The following DPF3 variants were observed in gnomAD, a reference collection of about 807,000 sequenced individuals.
DPF3 encodes the protein double PHD fingers 3.
In DPF3, 18 loss-of-function variants were observed where a neutral mutation model predicts 56.8. That is an observed-to-expected ratio of 0.32 (90% CI 0.22 to 0.47). The LOEUF (loss-of-function observed/expected upper bound fraction) is 0.47, where lower values mean the gene tolerates loss of function less well. Among genes scored for constraint, DPF3 ranks in the 20% least tolerant of loss-of-function variants. The probability of loss-of-function intolerance (pLI) is 1.00; values close to 1 mark genes in which losing one functional copy is unlikely to be tolerated. For missense variants in DPF3, 403 were observed against 488.8 expected, an observed-to-expected ratio of 0.82 and a Z score of 1.65; for synonymous variants, 188 against 180.2, an observed-to-expected ratio of 1.04 and a Z score of -0.35.
chr14:72,644,085 A>G (rs1337635839), intron 8 of DPF3, among the ~76,000 whole-genome samples: 1 of 152,172 alleles, frequency 6.6e-6, no homozygotes, highest in Non-Finnish European at 1.5e-5. Flanking sequence ...CTTTCCCTGA[A>G]GTCTCTCACC....
rs1038452864 is a variant in DPF3 at position 72,624,635 on chromosome 14, G to A, written c.985-4651C>T. On this transcript the variant is annotated intron_variant, in intron 9 of 10. Coordinates refer to ENST00000556509, the MANE Select transcript of DPF3 (RefSeq NM_001280542.3). ...ATTACAGGCGTGAGCCACCACGCCCGGCCCCCAACCTATGTCTCTTTACCA... is the reference window on the plus strand; with the variant it reads ...ATTACAGGCGTGAGCCACCACGCCCAGCCCCCAACCTATGTCTCTTTACCA... 7.2e-5 allele frequency among the ~76,000 whole-genome samples: 11 copies of A among 152,090 alleles called. No homozygotes were observed. The East Asian group carries it at 1.2e-3, about 16-fold the overall frequency.
At chr14:72,640,228 C>T (rs1353756671) in intron 8 of DPF3, among the ~76,000 whole-genome samples, 1 of 152,012 alleles carries the variant, frequency 6.6e-6, no homozygotes, top group Non-Finnish European at 1.5e-5. Context: ...TATGAAGAGC[C>T]TCTTATGTAG....
intron 1 of DPF3, among the ~76,000 whole-genome samples, chr14:72,839,873 C>G (rs899567818): frequency 6.6e-6 from 1 of 152,146 alleles, no homozygotes; most frequent in Non-Finnish European, 1.5e-5. Context: ...TCAAAGCAGG[C>G]GGGTGCTCAC....
At chr14:72,857,557 G>T (rs1885214671) in intron 1 of DPF3, among the ~76,000 whole-genome samples, 1 of 151,972 alleles carries the variant, frequency 6.6e-6, no homozygotes, top group Non-Finnish European at 1.5e-5. Flanking sequence ...CCTAGTACAT[G>T]CTAGGAAGTA....
At chr14:72,694,812 T>G (rs981544403) in intron 6 of DPF3, among the ~76,000 whole-genome samples, 2 of 152,248 alleles carry the variant, frequency 1.3e-5, no homozygotes, top group African/African-American at 4.8e-5. Flanking sequence ...TAAGTAGTTC[T>G]TCTTATTCCT....
chr14:72,713,029 T>C (rs1374392292), intron 6 of DPF3, among the ~76,000 whole-genome samples: 1 of 152,228 alleles, frequency 6.6e-6, no homozygotes, highest in Non-Finnish European at 1.5e-5. Context: ...GCCCATGGCT[T>C]ACAGCCAGTC....
chr14:72,822,408 A>AC (rs1380973633), intron 1 of DPF3, among the ~76,000 whole-genome samples: 1 of 151,256 alleles, frequency 6.6e-6, no homozygotes, highest in African/African-American at 2.4e-5. Context: ...AAAATAATCT[A>AC]TGTCCTAGAT....
chr14:72,664,100 C>T (rs748041112), intron 8 of DPF3, among the ~76,000 whole-genome samples: 1 of 152,168 alleles, frequency 6.6e-6, no homozygotes, highest in East Asian at 1.9e-4. Flanking sequence ...CCTCTAGCTC[C>T]TTCCCTTGAC....
chr14:72,620,460 T>C (rs1255271300), intron 9 of DPF3, among the ~76,000 whole-genome samples: 1 of 152,182 alleles, frequency 6.6e-6, no homozygotes, highest in Non-Finnish European at 1.5e-5. Flanking sequence ...CTCTTCAGGG[T>C]TTCATTAGAA....
intron 6 of DPF3, among the ~76,000 whole-genome samples, chr14:72,700,109 G>C (rs1343016913): frequency 6.6e-6 from 1 of 152,200 alleles, no homozygotes; most frequent in Non-Finnish European, 1.5e-5. Flanking sequence ...ATTTTGGTTG[G>C]ATTGCATCAG....
At chr14:72,860,862 G>C (rs527643976) in intron 1 of DPF3, among the ~76,000 whole-genome samples, 23 of 152,204 alleles carry the variant, frequency 1.5e-4, no homozygotes, top group African/African-American at 5.3e-4. Context: ...CACCACGCCC[G>C]GCAGCTTAAT....
chr14:72,768,135 A>G (rs1891367952), intron 2 of DPF3, among the ~76,000 whole-genome samples: 1 of 152,220 alleles, frequency 6.6e-6, no homozygotes, highest in South Asian at 2.1e-4. Flanking sequence ...GATTTACTCT[A>G]AAAGAATGGC....
chr14:72,876,637 A>G (rs1228419426), intron 1 of DPF3, among the ~76,000 whole-genome samples: 2 of 152,092 alleles, frequency 1.3e-5, no homozygotes, highest in East Asian at 1.9e-4. Flanking sequence ...GGTGTCCCCA[A>G]AGGAATCGCT....
At chr14:72,857,294 G>A (rs911947147) in intron 1 of DPF3, among the ~76,000 whole-genome samples, 1 of 151,976 alleles carries the variant, frequency 6.6e-6, no homozygotes, top group Non-Finnish European at 1.5e-5. Context: ...GATTTTATGG[G>A]GGAAAAGAAT....
At chr14:72,643,096 A>C (rs985299776) in intron 8 of DPF3, among the ~76,000 whole-genome samples, 3 of 152,188 alleles carry the variant, frequency 2.0e-5, no homozygotes, top group Non-Finnish European at 4.4e-5. Context: ...TGGAACATCC[A>C]TGTCTTCACA....
At chr14:72,752,640 G>A (rs149009036) in intron 3 of DPF3, among the ~76,000 whole-genome samples, 2 of 152,298 alleles carry the variant, frequency 1.3e-5, no homozygotes, top group African/African-American at 4.8e-5. Context: ...TCCAGCCTGG[G>A]CAACAAAGCT....
chr14:72,637,556 A>G (rs1050710468), intron 8 of DPF3, among the ~76,000 whole-genome samples: 1 of 152,248 alleles, frequency 6.6e-6, no homozygotes, highest in African/African-American at 2.4e-5. Flanking sequence ...CCCTGCCCTC[A>G]ATTTACAACT....
intron 2 of DPF3, among the ~76,000 whole-genome samples, chr14:72,770,021 T>C (rs1891456771): frequency 6.6e-6 from 1 of 152,146 alleles, no homozygotes; most frequent in Admixed American, 6.5e-5. Flanking sequence ...CAAATGAAGA[T>C]ATAATGATAG....
At chr14:72,630,060 C>A (rs183211952) in intron 8 of DPF3, among the ~76,000 whole-genome samples, 2 of 152,152 alleles carry the variant, frequency 1.3e-5, no homozygotes, top group South Asian at 2.1e-4. Context: ...CAGCCTGGGG[C>A]AGCACTATGA....
Sources: gnomAD v4.1 joint callset for allele counts (sites outside exome capture counted in the v4.1 genomes callset) on GRCh38, gnomAD v4.1.1 for gene constraint, MANE v1.5 for transcripts, NCBI Gene and HGNC (gene_info 2026-07-23, HGNC 2026-07-21) for gene names.